CSMD1: variants seen among roughly 807,000 people sequenced by gnomAD.
CSMD1 encodes the protein CUB and sushi domain-containing protein 1.
In CSMD1, 213 loss-of-function variants were observed where a neutral mutation model predicts 417.5. The ratio of observed to expected loss-of-function variants is 0.51; its 90% confidence interval spans 0.46 to 0.57. CSMD1 has a LOEUF of 0.57. CSMD1 is among the 20% of genes least tolerant of loss of function. The probability of loss-of-function intolerance (pLI) is 0.00; values close to 1 mark genes in which losing one functional copy is unlikely to be tolerated. For missense variants in CSMD1, 6,923 were observed against 4,529.7 expected (o/e 1.53, Z -15.17); for synonymous variants, 2,862 against 1,736.8 (o/e 1.65, Z -16.11).
At chr8:3,149,206 A>T (rs1819040108) in intron 40 of CSMD1, among the ~76,000 whole-genome samples, 1 of 152,234 alleles carries the variant, frequency 6.6e-6, no homozygotes, top group African/African-American at 2.4e-5. Flanking sequence ...TAAATAAAAA[A>T]TAAATACAGA....
At chr8:3,638,367 C>T (rs1019412804) in intron 7 of CSMD1, among the ~76,000 whole-genome samples, 3 of 152,106 alleles carry the variant, frequency 2.0e-5, no homozygotes, top group East Asian at 3.9e-4. Context: ...TCCCAAGAGG[C>T]TGTAGCCAGG....
chr8:3,768,855 CAGGCTCTAGGAA>C (rs764519640), intron 5 of CSMD1, among the ~76,000 whole-genome samples: 2 of 152,218 alleles, frequency 1.3e-5, no homozygotes, highest in Non-Finnish European at 2.9e-5. Context: ...AAAAAATGCA[CAGGCTCTAGGAA>C]ATGTCCATCC....
At chr8:3,389,103 T>C (rs932188863) in intron 17 of CSMD1, among the ~76,000 whole-genome samples, 7 of 152,306 alleles carry the variant, frequency 4.6e-5, no homozygotes, top group African/African-American at 1.7e-4. Flanking sequence ...GAATGATTTT[T>C]TGTTGTTGTT....
At chr8:3,708,001 C>G (rs1029579966) in intron 7 of CSMD1, among the ~76,000 whole-genome samples, 2 of 152,194 alleles carry the variant, frequency 1.3e-5, no homozygotes, top group Non-Finnish European at 2.9e-5. Context: ...ACTTTACTCT[C>G]CAGGCAGTGA....
At chr8:3,510,225 G>C (rs1371480031) in intron 10 of CSMD1, among the ~76,000 whole-genome samples, 1 of 151,694 alleles carries the variant, frequency 6.6e-6, no homozygotes, top group Admixed American at 6.6e-5. Context: ...GTCGGCAGGA[G>C]AAGTGGCCGA....
chr8:4,933,934 G>A (rs542413979), intron 1 of CSMD1, among the ~76,000 whole-genome samples: 18 of 152,026 alleles, frequency 1.2e-4, no homozygotes, highest in Admixed American at 1.0e-3. Flanking sequence ...ATAATAGGCA[G>A]AATCACAATG....
chr8:4,958,455 A>C (rs537549630), intron 1 of CSMD1, among the ~76,000 whole-genome samples: 1 of 152,352 alleles, frequency 6.6e-6, no homozygotes, highest in South Asian at 2.1e-4. Flanking sequence ...AAGTATTAAC[A>C]GAAAACTGCA....
intron 3 of CSMD1, among the ~76,000 whole-genome samples, chr8:4,059,086 A>C (rs1167637586): frequency 6.6e-6 from 1 of 152,148 alleles, no homozygotes; most frequent in Admixed American, 6.5e-5. Flanking sequence ...AATTATAACA[A>C]ACTGTCTCTC....
At chr8:4,057,775 A>G (rs913004600) in intron 3 of CSMD1, among the ~76,000 whole-genome samples, 3 of 152,222 alleles carry the variant, frequency 2.0e-5, no homozygotes, top group African/African-American at 7.2e-5. Flanking sequence ...TCCCAGCACC[A>G]TTTAATAAAT....
chr8:4,104,617 T>A (rs1424958576), intron 3 of CSMD1, among the ~76,000 whole-genome samples: 5 of 152,176 alleles, frequency 3.3e-5, no homozygotes, highest in African/African-American at 1.2e-4. Context: ...AATTAGAGTG[T>A]CTGGAATGAG....
chr8:3,383,353 G>C (rs7813808), intron 18 of CSMD1, among the ~76,000 whole-genome samples: 72,657 of 151,556 alleles, frequency 0.48, 17,634 homozygotes, highest in Middle Eastern at 0.5. Flanking sequence ...TACTCTGAAC[G>C]GAGGGAAGCC....
intron 3 of CSMD1, among the ~76,000 whole-genome samples, chr8:4,217,378 T>A (rs1800747713): frequency 6.6e-6 from 1 of 152,218 alleles, no homozygotes; most frequent in Non-Finnish European, 1.5e-5. Flanking sequence ...ATTAGGGAAC[T>A]TCATTTCATG....
At chr8:3,870,778 C>A (rs1459790352) in intron 5 of CSMD1, among the ~76,000 whole-genome samples, 2 of 152,026 alleles carry the variant, frequency 1.3e-5, no homozygotes, top group African/African-American at 4.8e-5. Flanking sequence ...TTAATTAGAG[C>A]TACTCAGGAA....
intron 3 of CSMD1, among the ~76,000 whole-genome samples, chr8:4,389,920 C>G (rs1242427728): frequency 1.3e-5 from 2 of 152,118 alleles, no homozygotes; most frequent in African/African-American, 4.8e-5. Context: ...TGTTATAATT[C>G]TAGGATGAAT....
intron 8 of CSMD1, among the ~76,000 whole-genome samples, chr8:3,605,132 C>A (rs892556950): frequency 1.3e-5 from 2 of 152,122 alleles, no homozygotes; most frequent in African/African-American, 4.8e-5. Context: ...GTAGCTGGGA[C>A]TACAGGCGCA....
chr8:4,151,128 G>C (rs1045517749), intron 3 of CSMD1, among the ~76,000 whole-genome samples: 5 of 152,180 alleles, frequency 3.3e-5, no homozygotes, highest in African/African-American at 1.2e-4. Context: ...TAGGATCCCT[G>C]TTCACCAAAT....
At chr8:4,146,916 A>C (rs1292917059) in intron 3 of CSMD1, among the ~76,000 whole-genome samples, 1 of 144,224 alleles carries the variant, frequency 6.9e-6, no homozygotes, top group Non-Finnish European at 1.5e-5. Flanking sequence ...CCGGCCAGAC[A>C]CACTGAACTT....
intron 18 of CSMD1, among the ~76,000 whole-genome samples, chr8:3,376,403 T>C (rs1052647167): frequency 1.3e-5 from 2 of 152,030 alleles, no homozygotes; most frequent in African/African-American, 4.8e-5. Flanking sequence ...GACTTGTTTT[T>C]AAAGCTTTCT....
At chr8:4,919,773 C>T (rs4875409) in intron 1 of CSMD1, among the ~76,000 whole-genome samples, 5,993 of 152,242 alleles carry the variant, frequency 0.039, 133 homozygotes, top group South Asian at 0.055. Context: ...GATGGCTGCT[C>T]TTTTGTGATT....
Sources: allele counts gnomAD v4.1 joint callset (sites outside exome capture counted in the v4.1 genomes callset), GRCh38; gene constraint gnomAD v4.1.1; transcripts MANE v1.5; gene names NCBI Gene and HGNC (gene_info 2026-07-23, HGNC 2026-07-21).